The following SART1 variants were observed in gnomAD, a reference collection of about 807,000 sequenced individuals.
The protein encoded by SART1 is spliceosome associated factor 1, recruiter of U4/U6.U5 tri-snRNP.
Under a neutral mutation model 105.0 loss-of-function variants are expected in SART1, and 28 were observed. That is an observed-to-expected ratio of 0.27 (90% CI 0.20 to 0.37). The LOEUF (loss-of-function observed/expected upper bound fraction) is 0.37. Ranked by LOEUF, SART1 falls within the 10% of genes least tolerant of loss-of-function variation. SART1 has a pLI of 1.00. For missense variants in SART1, 894 were observed against 1,106.5 expected (o/e 0.81, Z 2.72); for synonymous variants, 472 against 462.9 (o/e 1.02, Z -0.25).
chr11:65,964,196 G>A, intron 2 of SART1, 65 bp downstream of exon 2: 2 of 1,370,768 alleles, frequency 1.5e-6, no homozygotes, highest in South Asian at 1.2e-5. Context: ...GGCCAGCACG[G>A]GGGAGGCTTT....
At chr11:65,966,809 G>A (rs1206390532) in intron 9 of SART1, among the ~76,000 whole-genome samples, 1 of 152,182 alleles carries the variant, frequency 6.6e-6, no homozygotes, top group Non-Finnish European at 1.5e-5. Flanking sequence ...CCATTTAACT[G>A]TGAGCCTGGG....
Position 65,965,347 on chromosome 11 carries a change from T to C in SART1, c.560T>C (p.Ile187Thr). The C allele has an allele frequency of 2.5e-6, 4 of 1,592,332 alleles. No homozygotes were observed. Among genetic ancestry groups the C allele is most frequent in the Non-Finnish European group, 3.4e-6 (4 of 1,169,466 alleles). The stretch of plus-strand genomic sequence containing the variant: ...TCACTTTTTCCCCTCTTCAGGAAGA[T>C]AAAGACCCTAGGAGAGGATGACCCC... ...KRLLNQKLGKIKTLGEDDPWL... is the reference protein window; with the variant it reads ...KRLLNQKLGKTKTLGEDDPWL... The change falls in exon 5 of 20, where the codon ATA becomes ACA. Residue 187 changes from isoleucine to threonine, a missense_variant. Coordinates refer to ENST00000312397, the MANE Select transcript of SART1 (RefSeq NM_005146.5).
rs1358747981 is a variant in SART1 at position 65,976,965 on chromosome 11, G to C, written c.1858-49G>C. 6.8e-7 allele frequency: 1 copy of C among 1,479,832 alleles called. No homozygotes were observed. Among genetic ancestry groups the C allele is most frequent in the African/African-American group, 1.4e-5 (1 of 72,226 alleles). 91.7% of individuals were successfully genotyped at this position (1,479,832 alleles called of 1,614,324 possible). ...CAGGTGGTGACCAGTGGGTGGGGCT[G>C]AGAAGAGCCGGTATGGCCTGCTAAC... On this transcript the variant is annotated intron_variant, in intron 14 of 19. Transcript: ENST00000312397. This position sits in a 1 kb window ranked among gnomAD's most constrained non-coding sequence, Gnocchi z 5.1.
rs137940965 is a variant in SART1, at chr11:65,965,629, T to C, written c.661-73T>C. ...AGGCCTGCCCTTTTTGCACTCCGCT[T>C]GGTAGAGCCCTGAGTGTTTTCTGGT... On this transcript the variant is annotated intron_variant, in intron 5 of 19. Coordinates refer to ENST00000312397, the MANE Select transcript of SART1 (RefSeq NM_005146.5). 8.4e-4 allele frequency: 1,262 copies of C among 1,502,988 alleles called. 8 individuals carry two copies. In the African/African-American group the frequency reaches 0.014, roughly 17 times the overall value. 93.1% of individuals were successfully genotyped at this position (1,502,988 alleles called of 1,614,324 possible).
At chr11:65,970,207 C>G (rs1452013032) in intron 12 of SART1, among the ~76,000 whole-genome samples, 1 of 152,146 alleles carries the variant, frequency 6.6e-6, no homozygotes, top group Non-Finnish European at 1.5e-5. Flanking sequence ...ACACTGCATC[C>G]TTAACGACTT....
At position 65,976,684 on chromosome 11, in the gene SART1, C is replaced by T. The variant is rs143241490; in HGVS notation, c.1775C>T (p.Ala592Val). The T allele has an allele frequency of 1.2e-6, 2 of 1,613,618 alleles. No homozygotes were observed. Among genetic ancestry groups the T allele is most frequent in the Non-Finnish European group, 1.7e-6 (2 of 1,179,936 alleles). The change falls in exon 14 of 20, where the codon GCC (alanine) becomes GTC (valine). Residue 592 changes from alanine (A) to valine (V), a missense_variant. Transcript: ENST00000312397. The surrounding 1 kb of genome is among the most constrained non-coding windows in gnomAD (Gnocchi z 5.1). The stretch of plus-strand genomic sequence containing the variant: ...TTTGAACGGGATGAGGAGCGCTCAG[C>T]CAACGGTGGCTCCGAATCTGACGGG... ...MDFERDEERS[A>V]NGGSESDGEE... is the part of the protein sequence containing the mutation.
Position 65,977,747 on chromosome 11 carries a change from C to T in SART1, c.2037-17C>T, listed in dbSNP as rs1565318795. On this transcript the variant is annotated splice_polypyrimidine_tract_variant and intron_variant, in intron 16 of 19. Transcript: ENST00000312397. ...GCGGCAGCTCCTCACACTAAGGCCTCCTCTGTCTCGGGCCAGGGCCATCGA... is the reference window on the plus strand; with the variant it reads ...GCGGCAGCTCCTCACACTAAGGCCTTCTCTGTCTCGGGCCAGGGCCATCGA... The T allele has an allele frequency of 1.9e-6, 3 of 1,613,838 alleles. No individual in the cohort carries two copies. Among genetic ancestry groups the T allele is most frequent in the Non-Finnish European group, 2.5e-6 (3 of 1,179,976 alleles).
At chr11:65,970,623 T>G (rs1267176996) in intron 12 of SART1, among the ~76,000 whole-genome samples, 1 of 115,596 alleles carries the variant, frequency 8.7e-6, no homozygotes, top group Non-Finnish European at 1.9e-5. Context: ...ATTGTTCTGG[T>G]GTTTTTCCAG....
chr11:65,965,521 C>T, intron 5 of SART1, 74 bp downstream of exon 5: 1 of 1,454,022 alleles, frequency 6.9e-7, no homozygotes, highest in Non-Finnish European at 9.4e-7. Context: ...GGGGGCCAAC[C>T]CCAGAGAGGT....
chr11:65,976,783 T>TG lies in SART1; in HGVS notation c.1857+23dup, dbSNP rs747154702. ...CAGCAGGATGTGAGGGCCGCGCCGC[T>TG]GGGGGGTGGGCGTTTGGGGGTGCTC... On this transcript the variant is annotated intron_variant, in intron 14 of 19. Coordinates refer to ENST00000312397, the MANE Select transcript of SART1 (RefSeq NM_005146.5). The surrounding 1 kb of genome is among the most constrained non-coding windows in gnomAD (Gnocchi z 5.1). 19 of 1,581,318 alleles carry TG rather than the reference T, an allele frequency of 1.2e-5. No homozygotes were observed. The South Asian group carries it at 1.8e-4, about 15-fold the overall frequency.
At chr11:65,965,847 G>A in intron 6 of SART1, 40 bp from the exon 7 acceptor site, 1 of 1,613,524 alleles carries the variant, frequency 6.2e-7, no homozygotes, top group Non-Finnish European at 8.5e-7. Flanking sequence ...GAGGTTGGGT[G>A]CGTGGAGGGA....
chr11:65,964,971 T>G (rs1855217230), intron 3 of SART1, 121 bp from the exon 4 acceptor site: 1 of 1,270,810 alleles, frequency 7.9e-7, no homozygotes, highest in Non-Finnish European at 1.1e-6. Context: ...GGTGAAGGAT[T>G]GTTCCTTCCT....
In SART1 at chr11:65,967,542, C is replaced by G. The variant is rs185565535; in HGVS notation, c.1385C>G (p.Pro462Arg). 6.2e-7 allele frequency: 1 copy of G among 1,612,708 alleles called. No homozygotes were observed. The highest frequency in any genetic ancestry group is 8.5e-7 in the Non-Finnish European group (1 of 1,179,992). ...AAGGAGCCTGTGCCTCAGCCCCTGC[C>G]GTCGGACGACACCCGAGTGGAGAAC... ...EEKEPVPQPL[P>R]SDDTRVENMD... The change falls in exon 11 of 20, where the codon CCG becomes CGG. Residue 462 changes from proline to arginine, a missense_variant. Transcript: ENST00000312397.
intron 12 of SART1, 95 bp downstream of exon 12, chr11:65,967,916 C>G: frequency 2.0e-6 from 2 of 1,011,170 alleles, no homozygotes; most frequent in Admixed American, 7.2e-5. Context: ...TGTCTGAAGC[C>G]TCTTTTCCAT....
In SART1 at chr11:65,978,062, T is replaced by C. The variant is rs1855520581; in HGVS notation, c.2172+163T>C. The C allele has an allele frequency of 1.4e-6, 1 of 713,578 alleles. No individual in the cohort carries two copies. Among genetic ancestry groups the C allele is most frequent in the Admixed American group, 2.9e-5 (1 of 34,430 alleles). 44.2% of individuals were successfully genotyped at this position (713,578 alleles called of 1,614,324 possible). On this transcript the variant is annotated intron_variant, in intron 17 of 19. Coordinates refer to ENST00000312397, the MANE Select transcript of SART1 (RefSeq NM_005146.5). This position sits in a 1 kb window ranked among gnomAD's most constrained non-coding sequence, Gnocchi z 6.8. ...CGGATGGGGAGGGGGCCCTCAGGGC[T>C]GAGGAAGGCTGTGCCTCAGTTTGTC...
At chr11:65,967,881 G>C in intron 12 of SART1, 60 bp downstream of exon 12, 4 of 1,368,806 alleles carry the variant, frequency 2.9e-6, no homozygotes, top group Non-Finnish European at 3.9e-6. Flanking sequence ...ACGAGCACCT[G>C]TGTCATAGGC....
At chr11:65,975,368 G>A (rs1047393812) in intron 12 of SART1, among the ~76,000 whole-genome samples, 8 of 148,958 alleles carry the variant, frequency 5.4e-5, no homozygotes, top group African/African-American at 1.7e-4. Context: ...CTCCCAAAGT[G>A]CTAGGATTAT....
At chr11:65,963,980 A>T (rs567275343) in intron 1 of SART1, 94 bp from the exon 2 acceptor site, 1 of 1,038,828 alleles carries the variant, frequency 9.6e-7, no homozygotes, top group African/African-American at 1.6e-5. Context: ...GGTGCTGGTG[A>T]GGGGCCCTCA....
At chr11:65,968,299 A>G (rs1375861908) in intron 12 of SART1, among the ~76,000 whole-genome samples, 1 of 152,094 alleles carries the variant, frequency 6.6e-6, no homozygotes, top group East Asian at 1.9e-4. Context: ...TGCCTGCTTT[A>G]GTAGGGGATC....
Sources: gnomAD v4.1 joint callset for allele counts (sites outside exome capture counted in the v4.1 genomes callset) on GRCh38, gnomAD v4.1.1 for gene constraint, Gnocchi (gnomAD v3.1) non-coding constraint, MANE v1.5 for transcripts, NCBI Gene and HGNC (gene_info 2026-07-23, HGNC 2026-07-21) for gene names.